The following UGT1A7 variants were observed in gnomAD, a reference collection of about 807,000 sequenced individuals.
The protein encoded by UGT1A7 is UDP-glucuronosyltransferase 1A7.
Under a neutral mutation model 45.6 loss-of-function variants are expected in UGT1A7, and 33 were observed. The ratio of observed to expected loss-of-function variants is 0.72; its 90% CI spans 0.55 to 0.97. UGT1A7 has a LOEUF of 0.97. UGT1A7 is among the 50% of genes least tolerant of loss of function. UGT1A7 has a pLI of 0.00. For synonymous variants in UGT1A7, 274 were observed against 250.6 expected, an observed-to-expected ratio of 1.09 and a Z score of -0.88; for missense variants, 684 against 666.2, an observed-to-expected ratio of 1.03 and a Z score of -0.29.
Position 233,768,439 on chromosome 2 carries a change from G to A in UGT1A7, c.1295G>A (p.Ser432Asn), listed in dbSNP as rs1306719122. The change falls in exon 4 of 5, where the codon AGT becomes AAT. Residue 432 changes from serine (S) to asparagine (N), a missense_variant and splice_region_variant. Coordinates refer to ENST00000373426, the MANE Select transcript of UGT1A7 (RefSeq NM_019077.3). ...NALKAVINDK[S>N]YKENIMRLSS... The stretch of plus-strand genomic sequence containing the variant: ...CTAAAAGCAGTCATCAATGACAAAA[G>A]GTAAGAAAGAAGATACAGAAGAATA... 3.1e-6 allele frequency: 5 copies of A among 1,613,244 alleles called. No individual in the cohort carries two copies. The highest frequency in any genetic ancestry group is 1.3e-5 in the African/African-American group (1 of 74,970).
intron 1 of UGT1A7, chr2:233,729,268 T>G (rs760988573): frequency 3.1e-5 from 50 of 1,613,984 alleles, no homozygotes; most frequent in Non-Finnish European, 3.5e-5. Context: ...GCGGGAGGTC[T>G]TGCGGGAGCT....
intron 1 of UGT1A7, among the ~76,000 whole-genome samples, chr2:233,730,806 G>C (rs374048907): frequency 3.3e-5 from 5 of 152,118 alleles, no homozygotes; most frequent in South Asian, 2.1e-4. Flanking sequence ...ATGGACATGC[G>C]TCCAAGAAGG....
rs762674386 is a variant in UGT1A7, at chr2:233,682,046, C to T, written c.109C>T (p.His37Tyr). 6.2e-7 allele frequency: 1 copy of T among 1,614,106 alleles called. No homozygotes were observed. Among genetic ancestry groups the T allele is most frequent in the Admixed American group, 1.7e-5 (1 of 59,986 alleles). ...KLLVVPMDGS[H>Y]WFTMQSVVEK... ...GCTGGTAGTGCCCATGGATGGGAGCCACTGGTTCACCATGCAGTCGGTGGT... is the reference window on the plus strand; with the variant it reads ...GCTGGTAGTGCCCATGGATGGGAGCTACTGGTTCACCATGCAGTCGGTGGT... Residue 37 changes from histidine (H) to tyrosine (Y), a missense_variant, in exon 1 of 5, where the codon CAC (histidine) becomes TAC (tyrosine). Physicochemically the swap from His to Tyr is moderately conservative, Grantham distance 83. Coordinates refer to ENST00000373426, the MANE Select transcript of UGT1A7 (RefSeq NM_019077.3).
chr2:233,685,940 A>T (rs1027688022), intron 1 of UGT1A7, among the ~76,000 whole-genome samples: 1 of 152,222 alleles, frequency 6.6e-6, no homozygotes, highest in Non-Finnish European at 1.5e-5. Context: ...GTCTCAAAAA[A>T]GTCTTTTATA....
At chr2:233,698,313 T>C (rs545521054) in intron 1 of UGT1A7, among the ~76,000 whole-genome samples, 1 of 152,354 alleles carries the variant, frequency 6.6e-6, no homozygotes, top group South Asian at 2.1e-4. Context: ...CAGATGGAAA[T>C]GTCTGGAACC....
intron 4 of UGT1A7, 35 bp downstream of exon 4, chr2:233,768,474 T>C (rs1361024311): frequency 6.3e-7 from 1 of 1,597,622 alleles, no homozygotes; most frequent in Non-Finnish European, 8.5e-7. Flanking sequence ...ACTTTGGTCA[T>C]GGCATTCATG....
rs763571226 is a variant in UGT1A7, at chr2:233,693,560, C to T, written c.855+10768C>T. ...CCTGGAGCATACATTCAGCAGAAGCCCAGACCCTGTGTCCTACATTCCCAG... is the reference window on the plus strand; with the variant it reads ...CCTGGAGCATACATTCAGCAGAAGCTCAGACCCTGTGTCCTACATTCCCAG... On this transcript the variant is annotated intron_variant, in intron 1 of 4. Transcript: ENST00000373426. The T allele has an allele frequency of 2.8e-5, 45 of 1,614,066 alleles. No individual in the cohort carries two copies. In the Admixed American group the frequency reaches 7.3e-4, roughly 26 times the overall value.
rs34150486 is a variant in UGT1A7, at chr2:233,743,623, G to C, written c.856-23411G>C. The stretch of plus-strand genomic sequence containing the variant: ...GGCCGCCGAAGAACTCCCTGAAGAC[G>C]TCGGCTGGGTCGCGGAAGCTGAAGA... On this transcript the variant is annotated intron_variant, in intron 1 of 4. Coordinates refer to ENST00000373426, the MANE Select transcript of UGT1A7 (RefSeq NM_019077.3). The C allele has an allele frequency of 7.3e-5, 100 of 1,367,326 alleles. 1 individual carries two copies. In the East Asian group the frequency reaches 1.5e-3, roughly 20 times the overall value. The allele number at this position is 1,367,326 out of a possible 1,614,324, so 84.7% of individuals were successfully genotyped here. A position where few individuals can be genotyped will look rare whatever the true frequency, so the allele number is the denominator to read the frequency against.
intron 1 of UGT1A7, among the ~76,000 whole-genome samples, chr2:233,711,768 A>T (rs138965845): frequency 6.6e-6 from 1 of 152,336 alleles, no homozygotes; most frequent in Non-Finnish European, 1.5e-5. Context: ...AGAGGAAGTG[A>T]GATAGAAAGT....
At chr2:233,716,775 G>C (rs1050671351) in intron 1 of UGT1A7, among the ~76,000 whole-genome samples, 4 of 152,178 alleles carry the variant, frequency 2.6e-5, no homozygotes, top group African/African-American at 9.7e-5. Flanking sequence ...CTCAGGTCAG[G>C]CTTTCGGGAT....
At chr2:233,694,448 G>A (rs559666180) in intron 1 of UGT1A7, among the ~76,000 whole-genome samples, 2 of 152,240 alleles carry the variant, frequency 1.3e-5, no homozygotes, top group Admixed American at 1.3e-4. Context: ...TTACTGACTG[G>A]CCTTTTCAGC....
At chr2:233,688,960 T>G (rs1400974690) in intron 1 of UGT1A7, among the ~76,000 whole-genome samples, 3 of 152,174 alleles carry the variant, frequency 2.0e-5, no homozygotes, top group Admixed American at 2.0e-4. Flanking sequence ...ATGTTTGGAA[T>G]CATAGCATGT....
At chr2:233,756,974 T>G (rs1036999646) in intron 1 of UGT1A7, among the ~76,000 whole-genome samples, 2 of 151,942 alleles carry the variant, frequency 1.3e-5, no homozygotes, top group African/African-American at 4.8e-5. Flanking sequence ...AAGCACGCAA[T>G]GAACAGTCAT....
At chr2:233,753,145 T>C (rs1695138672) in intron 1 of UGT1A7, 1 of 152,202 alleles carries the variant, frequency 6.6e-6, no homozygotes, top group Non-Finnish European at 1.5e-5. Flanking sequence ...TCTTCACACA[T>C]GTAAGTTCCC....
chr2:233,761,403 A>G (rs1379452016), intron 1 of UGT1A7, among the ~76,000 whole-genome samples: 2 of 152,210 alleles, frequency 1.3e-5, no homozygotes, highest in Non-Finnish European at 2.9e-5. Context: ...ATAGTAATCA[A>G]TTAGAAACAA....
At chr2:233,760,630 A>G (rs759620086) in intron 1 of UGT1A7, 1 of 1,614,164 alleles carries the variant, frequency 6.2e-7, no homozygotes, top group South Asian at 1.1e-5. Flanking sequence ...AACATACAAG[A>G]AAATAAAAAA....
rs1005644336 is a variant in UGT1A7 at position 233,772,950 on chromosome 2, A to G, written c.*391A>G. On this transcript the variant is annotated 3_prime_UTR_variant, in exon 5 of 5. Coordinates refer to ENST00000373426, the MANE Select transcript of UGT1A7 (RefSeq NM_019077.3). Reference sequence around the variant, plus strand: ...TAATCTTATCTTTTGGCTTCTGCAGATGGTTGCAATTGATCCTTAACCAAT... The same window carrying G: ...TAATCTTATCTTTTGGCTTCTGCAGGTGGTTGCAATTGATCCTTAACCAAT... The G allele has an allele frequency of 1.5e-5, 5 of 323,142 alleles. No individual in the cohort carries two copies. Among genetic ancestry groups the G allele is most frequent in the Non-Finnish European group, 2.9e-5 (5 of 171,790 alleles). 20.0% of individuals were successfully genotyped at this position (323,142 alleles called of 1,614,324 possible). A position where few individuals can be genotyped will look rare whatever the true frequency, so the allele number is the denominator to read the frequency against.
intron 1 of UGT1A7, among the ~76,000 whole-genome samples, chr2:233,756,782 T>C (rs754462005): frequency 2.0e-5 from 3 of 152,090 alleles, no homozygotes; most frequent in Non-Finnish European, 4.4e-5. Context: ...CTTTGATAAA[T>C]TGTGGGGCAA....
At chr2:233,684,956 TGAAAA>T (rs72373468) in intron 1 of UGT1A7, among the ~76,000 whole-genome samples, 42,574 of 151,734 alleles carry the variant, frequency 0.28, 6,430 homozygotes, top group South Asian at 0.4. Context: ...ATCTGTCTGA[TGAAAA>T]GAAAGCATTG....
Sources: gnomAD v4.1 joint callset for allele counts (sites outside exome capture counted in the v4.1 genomes callset) on GRCh38, gnomAD v4.1.1 for gene constraint, MANE v1.5 for transcripts, NCBI Gene and HGNC (gene_info 2026-07-23, HGNC 2026-07-21) for gene names.